The following CARMIL1 variants were observed in gnomAD, a reference collection of about 807,000 sequenced individuals.
CARMIL1 encodes the protein F-actin-uncapping protein LRRC16A.
Under a neutral mutation model 177.1 loss-of-function variants are expected in CARMIL1, and 90 were observed. The observed-to-expected ratio is 0.51, with a 90% CI of 0.43 to 0.61. The LOEUF is 0.61. Ranked by LOEUF, CARMIL1 falls within the 20% of genes least tolerant of loss-of-function variation. The pLI is 0.00. For missense variants in CARMIL1, 1,380 were observed against 1,667.0 expected (o/e 0.83, Z 3.00); for synonymous variants, 577 against 606.2 (o/e 0.95, Z 0.71).
chr6:25,401,322 C>T (rs1650932230), intron 2 of CARMIL1, among the ~76,000 whole-genome samples: 1 of 152,028 alleles, frequency 6.6e-6, no homozygotes, highest in African/African-American at 2.4e-5. Flanking sequence ...TACATACACA[C>T]ACAAAATGTG....
At chr6:25,570,637 C>A (rs1811992413) in intron 29 of CARMIL1, among the ~76,000 whole-genome samples, 1 of 152,194 alleles carries the variant, frequency 6.6e-6, no homozygotes, top group Non-Finnish European at 1.5e-5. Flanking sequence ...CAAAATAGTT[C>A]TCTACCATGA....
intron 13 of CARMIL1, among the ~76,000 whole-genome samples, chr6:25,489,902 T>A (rs1470584334): frequency 2.6e-5 from 4 of 152,124 alleles, no homozygotes; most frequent in Non-Finnish European, 4.4e-5. Flanking sequence ...ACCAAAATAA[T>A]ACTGTGGCAA....
chr6:25,467,088 A>G (rs1800669628), intron 9 of CARMIL1, among the ~76,000 whole-genome samples: 1 of 152,242 alleles, frequency 6.6e-6, no homozygotes, highest in Non-Finnish European at 1.5e-5. Context: ...TAGATGTCTA[A>G]TAAGTTATCA....
At chr6:25,588,455 A>C (rs1436230893) in intron 31 of CARMIL1, among the ~76,000 whole-genome samples, 1 of 152,188 alleles carries the variant, frequency 6.6e-6, no homozygotes, top group African/African-American at 2.4e-5. Flanking sequence ...GGAGGATGAC[A>C]TAAAGCATGA....
intron 5 of CARMIL1, among the ~76,000 whole-genome samples, chr6:25,441,399 G>A (rs1206574984): frequency 1.3e-5 from 2 of 148,608 alleles, no homozygotes; most frequent in African/African-American, 5.0e-5. Flanking sequence ...GTATGTATAT[G>A]TAATCAGCTC....
intron 26 of CARMIL1, among the ~76,000 whole-genome samples, chr6:25,548,486 T>C (rs1161657379): frequency 2.6e-5 from 4 of 152,184 alleles, no homozygotes; most frequent in African/African-American, 4.8e-5. Flanking sequence ...TTTTATCATA[T>C]GTATTGTATA....
chr6:25,373,924 G>A (rs58414923), intron 2 of CARMIL1, among the ~76,000 whole-genome samples: 1,733 of 152,138 alleles, frequency 0.011, 23 homozygotes, highest in African/African-American at 0.038. Context: ...TCTTTTCCTG[G>A]TTAATCTAGC....
At chr6:25,286,769 A>T (rs947236370) in intron 2 of CARMIL1, among the ~76,000 whole-genome samples, 1 of 152,224 alleles carries the variant, frequency 6.6e-6, no homozygotes, top group Non-Finnish European at 1.5e-5. Flanking sequence ...TGCTAAGAAC[A>T]AACCCACATC....
intron 24 of CARMIL1, among the ~76,000 whole-genome samples, chr6:25,536,315 G>T (rs1808298165): frequency 6.6e-6 from 1 of 152,002 alleles, no homozygotes; most frequent in South Asian, 2.1e-4. Flanking sequence ...TCTATGCAGG[G>T]CATTGTGTAA....
chr6:25,382,675 T>C (rs940345051), intron 2 of CARMIL1, among the ~76,000 whole-genome samples: 5 of 152,164 alleles, frequency 3.3e-5, no homozygotes, highest in Non-Finnish European at 7.3e-5. Context: ...AGAGTGCTGA[T>C]TGGTGCATTT....
chr6:25,319,764 CTTTT>C (rs10625095), intron 2 of CARMIL1, among the ~76,000 whole-genome samples: 1 of 118,700 alleles, frequency 8.4e-6, no homozygotes, highest in Admixed American at 9.4e-5. Context: ...CATTTGGTCA[CTTTT>C]TTTTTTTTTT....
intron 12 of CARMIL1, among the ~76,000 whole-genome samples, chr6:25,483,927 C>A (rs976520182): frequency 6.6e-6 from 1 of 151,992 alleles, no homozygotes; most frequent in African/African-American, 2.4e-5. Flanking sequence ...ACTACCACAC[C>A]CTGCTAATTT....
Position 25,420,120 on chromosome 6 carries a change from A to G in CARMIL1, c.145A>G (p.Thr49Ala). Residue 49 changes from threonine (T) to alanine (A), a missense_variant, in exon 3 of 37, where the codon ACA (threonine) becomes GCA (alanine). Thr to Ala is a moderately conservative substitution (Grantham distance 58). Transcript: ENST00000329474. The stretch of plus-strand genomic sequence containing the variant: ...TGCTGCTTCTGTCTTACAGGTCCTT[A>G]CATCATGCCGAGCCTTCCTTGTAAC... ...DKVENKVLVL[T>A]SCRAFLVTAR... The G allele has an allele frequency of 6.2e-7, 1 of 1,613,280 alleles. No homozygotes were observed. The highest frequency in any genetic ancestry group is 1.1e-5 in the South Asian group (1 of 91,054).
At chr6:25,418,789 A>C (rs1366309468) in intron 2 of CARMIL1, among the ~76,000 whole-genome samples, 2 of 152,146 alleles carry the variant, frequency 1.3e-5, no homozygotes. Flanking sequence ...TGATCCTGTG[A>C]ATAACTGTGA....
At chr6:25,532,008 T>G (rs970729320) in intron 24 of CARMIL1, among the ~76,000 whole-genome samples, 1 of 152,132 alleles carries the variant, frequency 6.6e-6, no homozygotes, top group Non-Finnish European at 1.5e-5. Flanking sequence ...TCACCTCAAG[T>G]GATCCACCCA....
chr6:25,436,366 A>C (rs1157034722), intron 5 of CARMIL1, among the ~76,000 whole-genome samples: 1 of 152,220 alleles, frequency 6.6e-6, no homozygotes, highest in Non-Finnish European at 1.5e-5. Flanking sequence ...CTCTCCCAGC[A>C]GGCAGAAGTG....
chr6:25,381,430 C>G (rs941336587), intron 2 of CARMIL1, among the ~76,000 whole-genome samples: 3 of 152,190 alleles, frequency 2.0e-5, no homozygotes, highest in Non-Finnish European at 4.4e-5. Flanking sequence ...AGCACAGACC[C>G]CACAGATTAT....
intron 12 of CARMIL1, among the ~76,000 whole-genome samples, chr6:25,487,021 G>A (rs559056621): frequency 1.3e-5 from 2 of 152,218 alleles, no homozygotes; most frequent in Middle Eastern, 6.8e-3. Flanking sequence ...TGAGTTGACA[G>A]CCAAGAAGTT....
chr6:25,588,056 C>T (rs576003746), intron 31 of CARMIL1, among the ~76,000 whole-genome samples: 37 of 152,224 alleles, frequency 2.4e-4, no homozygotes, highest in African/African-American at 8.2e-4. Context: ...CAATTATTTA[C>T]GTAGCATTTA....
Sources: gnomAD v4.1 joint callset for allele counts (sites outside exome capture counted in the v4.1 genomes callset) on GRCh38, gnomAD v4.1.1 for gene constraint, MANE v1.5 for transcripts, NCBI Gene and HGNC (gene_info 2026-07-23, HGNC 2026-07-21) for gene names.